Variants in PTCHD4 observed in about 807,000 individuals in gnomAD.
The protein encoded by PTCHD4 is patched domain-containing protein 4.
PTCHD4 carries 33 observed loss-of-function variants against 58.1 expected under a neutral mutation model. The ratio of observed to expected loss-of-function variants is 0.57; its 90% CI spans 0.43 to 0.76. The LOEUF (loss-of-function observed/expected upper bound fraction) is 0.76. Among genes scored for constraint, PTCHD4 ranks in the 30% least tolerant of loss-of-function variants. PTCHD4 has a pLI of 0.00. For missense variants in PTCHD4, 1,058 were observed against 1,027.1 expected (o/e 1.03, Z -0.41); for synonymous variants, 478 against 409.6 (o/e 1.17, Z -2.02).
Position 47,859,539 on chromosome 6 carries a change from C to A in PTCHD4, c.*18764G>T, listed in dbSNP as rs935892385. 6.6e-6 allele frequency among the ~76,000 whole-genome samples: 1 copy of A among 151,920 alleles called. No individual in the cohort carries two copies. The highest frequency in any genetic ancestry group is 2.4e-5 in the African/African-American group (1 of 41,396). ...CTACCTGAACTAATTTCTTCCCTCC[C>A]TCCCTCCTTTCCTTCCTTCCTTTGT... On this transcript the variant is annotated 3_prime_UTR_variant, in exon 5 of 5. Coordinates refer to ENST00000339488, the MANE Select transcript of PTCHD4 (RefSeq NM_001384253.1).
chr6:47,987,120 G>A (rs1335560415), intron 4 of PTCHD4, among the ~76,000 whole-genome samples: 1 of 151,852 alleles, frequency 6.6e-6, no homozygotes, highest in Non-Finnish European at 1.5e-5. Context: ...TGAACAAATT[G>A]TCACCTAGGA....
intron 3 of PTCHD4, among the ~76,000 whole-genome samples, chr6:48,060,648 A>G (rs892597729): frequency 3.3e-5 from 5 of 151,812 alleles, no homozygotes; most frequent in Non-Finnish European, 7.4e-5. Context: ...TAATTTCTGT[A>G]TTTTTTCATA....
chr6:47,971,190 A>T (rs1255706743), intron 4 of PTCHD4, among the ~76,000 whole-genome samples: 2 of 152,218 alleles, frequency 1.3e-5, no homozygotes, highest in African/African-American at 4.8e-5. Flanking sequence ...CATTGAAAAG[A>T]ACAGAAAGAA....
intron 4 of PTCHD4, among the ~76,000 whole-genome samples, chr6:47,890,223 T>C (rs1274871866): frequency 1.3e-5 from 2 of 151,564 alleles, no homozygotes; most frequent in Non-Finnish European, 2.9e-5. Context: ...ATATATTATA[T>C]ATATATATGG....
intron 4 of PTCHD4, among the ~76,000 whole-genome samples, chr6:47,959,942 C>G (rs1475006550): frequency 1.3e-5 from 2 of 151,030 alleles, no homozygotes; most frequent in Non-Finnish European, 3.0e-5. Context: ...AAAAAAAACC[C>G]CAGAGTTTTT....
chr6:48,054,096 A>G (rs1176539249), intron 3 of PTCHD4, among the ~76,000 whole-genome samples: 1 of 152,112 alleles, frequency 6.6e-6, no homozygotes, highest in Non-Finnish European at 1.5e-5. Context: ...AAAAACACCA[A>G]TGCTTGGGTT....
chr6:47,961,338 G>C (rs185228930), intron 4 of PTCHD4, among the ~76,000 whole-genome samples: 1 of 151,686 alleles, frequency 6.6e-6, no homozygotes, highest in East Asian at 1.9e-4. Flanking sequence ...TGTCACCCAG[G>C]CTGGAGTCAG....
chr6:48,085,234 T>C (rs1315682506), intron 1 of PTCHD4, among the ~76,000 whole-genome samples: 1 of 152,182 alleles, frequency 6.6e-6, no homozygotes, highest in African/African-American at 2.4e-5. Context: ...TTTAAATACC[T>C]TACATTTTTA....
At chr6:47,914,270 C>T (rs1264291862) in intron 4 of PTCHD4, among the ~76,000 whole-genome samples, 1 of 152,036 alleles carries the variant, frequency 6.6e-6, no homozygotes. Flanking sequence ...GACTAGGCTG[C>T]AGGATGTGCA....
intron 1 of PTCHD4, among the ~76,000 whole-genome samples, chr6:48,095,042 T>G (rs1765435805): frequency 6.6e-6 from 1 of 152,170 alleles, no homozygotes; most frequent in Non-Finnish European, 1.5e-5. Flanking sequence ...TAGGACAGAT[T>G]ATAAATGGAC....
chr6:48,034,223 G>T (rs1034359475), intron 3 of PTCHD4, among the ~76,000 whole-genome samples: 2 of 152,094 alleles, frequency 1.3e-5, no homozygotes, highest in African/African-American at 4.8e-5. Flanking sequence ...TACAGTGTCT[G>T]TTGTGTGACA....
intron 3 of PTCHD4, among the ~76,000 whole-genome samples, chr6:48,045,792 C>T (rs373166832): frequency 4.2e-4 from 63 of 149,946 alleles, no homozygotes; most frequent in African/African-American, 1.4e-3. Flanking sequence ...TTTTTTTTTC[C>T]CACTCAGCTC....
intron 4 of PTCHD4, among the ~76,000 whole-genome samples, chr6:47,966,849 A>G (rs1767314903): frequency 6.6e-6 from 1 of 152,154 alleles, no homozygotes; most frequent in Non-Finnish European, 1.5e-5. Context: ...TTGTCTTGAT[A>G]TTTCCACCAC....
chr6:48,107,298 A>T (rs548660207), intron 1 of PTCHD4, among the ~76,000 whole-genome samples: 2,316 of 152,236 alleles, frequency 0.015, 55 homozygotes, highest in African/African-American at 0.052. Flanking sequence ...ATAATGCTGC[A>T]TATCTACAAC....
intron 4 of PTCHD4, among the ~76,000 whole-genome samples, chr6:47,908,227 AGGATCTATAACAT>A (rs915239900): frequency 1.3e-5 from 2 of 152,150 alleles, no homozygotes; most frequent in African/African-American, 4.8e-5. Flanking sequence ...AAAGAAAACT[AGGATCTATAACAT>A]GGTCTTATAA....
chr6:47,959,485 T>A (rs1766998768), intron 4 of PTCHD4, among the ~76,000 whole-genome samples: 1 of 152,064 alleles, frequency 6.6e-6, no homozygotes, highest in Non-Finnish European at 1.5e-5. Flanking sequence ...TGGATAGGAA[T>A]GGGGGAGCAG....
chr6:48,002,970 C>A (rs1256027642), intron 4 of PTCHD4, among the ~76,000 whole-genome samples: 2 of 152,030 alleles, frequency 1.3e-5, no homozygotes, highest in Admixed American at 1.3e-4. Flanking sequence ...GGAACAATCA[C>A]TCTCTTGTTC....
At chr6:48,007,585 T>A (rs144428041) in intron 4 of PTCHD4, among the ~76,000 whole-genome samples, 159 of 152,312 alleles carry the variant, frequency 1.0e-3, no homozygotes, top group African/African-American at 3.6e-3. Context: ...AGGTAGCGCT[T>A]CTCTTTATTT....
chr6:48,037,602 A>G (rs1763685432), intron 3 of PTCHD4, among the ~76,000 whole-genome samples: 1 of 152,172 alleles, frequency 6.6e-6, no homozygotes, highest in Non-Finnish European at 1.5e-5. Flanking sequence ...AGACTTCAAA[A>G]GTTGAAAAGA....
Sources: gnomAD v4.1 joint callset for allele counts (sites outside exome capture counted in the v4.1 genomes callset) on GRCh38, gnomAD v4.1.1 for gene constraint, MANE v1.5 for transcripts, NCBI Gene and HGNC (gene_info 2026-07-23, HGNC 2026-07-21) for gene names.